The following MGMT variants were observed in gnomAD, a reference collection of about 807,000 sequenced individuals.
MGMT encodes O-6-methylguanine-DNA methyltransferase, also known as methylated-DNA--protein-cysteine methyltransferase.
In MGMT, 14 loss-of-function variants were observed where a neutral mutation model predicts 15.9. The observed-to-expected ratio is 0.88, with a 90% confidence interval of 0.58 to 1.37. The LOEUF is 1.37. MGMT is among the 40% of genes most tolerant of loss of function. MGMT has a pLI of 0.00. For synonymous variants in MGMT, 130 were observed against 118.2 expected, an observed-to-expected ratio of 1.10 and a Z score of -0.65; for missense variants, 282 against 268.1, an observed-to-expected ratio of 1.05 and a Z score of -0.36.
intron 2 of MGMT, among the ~76,000 whole-genome samples, chr10:129,687,845 C>CT: frequency 2.0e-5 from 3 of 152,006 alleles, no homozygotes; most frequent in Non-Finnish European, 4.4e-5. Flanking sequence ...TATCCCTCCC[C>CT]CAGCCCCCCA....
chr10:129,739,180 A>G (rs975841895), intron 3 of MGMT, among the ~76,000 whole-genome samples: 1 of 152,218 alleles, frequency 6.6e-6, no homozygotes, highest in Non-Finnish European at 1.5e-5. Flanking sequence ...ATTTATGACA[A>G]ACCCACAGCC....
chr10:129,713,027 T>G (rs924476407), intron 3 of MGMT, among the ~76,000 whole-genome samples: 2 of 152,152 alleles, frequency 1.3e-5, no homozygotes, highest in African/African-American at 2.4e-5. Context: ...GAGGGGATGT[T>G]TTTCTTGTAG....
chr10:129,682,183 CTG>C (rs1357666834), intron 2 of MGMT, among the ~76,000 whole-genome samples: 1 of 152,112 alleles, frequency 6.6e-6, no homozygotes, highest in African/African-American at 2.4e-5. Context: ...CACACAAAAA[CTG>C]TACACAAGTG....
At chr10:129,527,324 A>C (rs1845882070) in intron 1 of MGMT, among the ~76,000 whole-genome samples, 1 of 152,168 alleles carries the variant, frequency 6.6e-6, no homozygotes, top group African/African-American at 2.4e-5. Flanking sequence ...GATGGTTCGA[A>C]TTCTGGAAGT....
Position 129,759,373 on chromosome 10 carries a change from G to A in MGMT, c.414+32G>A, listed in dbSNP as rs373086303. 3 of 1,613,562 alleles carry A rather than the reference G, an allele frequency of 1.9e-6. No homozygotes were observed. The Admixed American group carries it at 5.0e-5, about 27-fold the overall frequency. On this transcript the variant is annotated intron_variant, in intron 4 of 4. Coordinates refer to ENST00000651593, the MANE Select transcript of MGMT (RefSeq NM_002412.5). Reference sequence around the variant, plus strand: ...TCTCATGGCGCAAGCATGGCTGTGGGTGGCGGGTGCGTGCAGGTGGCAGGG... The same window carrying A: ...TCTCATGGCGCAAGCATGGCTGTGGATGGCGGGTGCGTGCAGGTGGCAGGG...
chr10:129,540,353 A>T (rs1326695003), intron 2 of MGMT, among the ~76,000 whole-genome samples: 2 of 151,966 alleles, frequency 1.3e-5, no homozygotes, highest in Non-Finnish European at 2.9e-5. Flanking sequence ...TTCCTTTCTG[A>T]TTGTTATGCT....
chr10:129,702,619 G>A (rs1848112063), intron 2 of MGMT, among the ~76,000 whole-genome samples: 2 of 152,164 alleles, frequency 1.3e-5, no homozygotes, highest in Non-Finnish European at 2.9e-5. Flanking sequence ...GGGACAGGAA[G>A]GGGCTGAGGT....
In MGMT at chr10:129,472,014, G is replaced by A. The variant is rs548305176; in HGVS notation, c.-13+4718G>A. ...ATGCAGATGTTACCAAAACTTTGGC[G>A]TCAGTTTTACAAACACACGCGAAGC... On this transcript the variant is annotated intron_variant, in intron 1 of 4. Coordinates refer to ENST00000651593, the MANE Select transcript of MGMT (RefSeq NM_002412.5). Among the ~76,000 whole-genome samples the A allele has an allele frequency of 7.9e-5, 12 of 152,258 alleles. 1 individual carries two copies. In the South Asian group the frequency reaches 1.9e-3, roughly 24 times the overall value.
At chr10:129,652,923 G>A (rs1847478650) in intron 2 of MGMT, among the ~76,000 whole-genome samples, 1 of 152,232 alleles carries the variant, frequency 6.6e-6, no homozygotes, top group South Asian at 2.1e-4. Flanking sequence ...TTGGGACTGT[G>A]CTGGCAGCTC....
At chr10:129,641,873 T>C (rs1317480891) in intron 2 of MGMT, among the ~76,000 whole-genome samples, 2 of 152,218 alleles carry the variant, frequency 1.3e-5, no homozygotes, top group African/African-American at 4.8e-5. Flanking sequence ...TTGTATCTAA[T>C]GTAATGCTGA....
chr10:129,727,905 G>T (rs975626439), intron 3 of MGMT, among the ~76,000 whole-genome samples: 4 of 152,206 alleles, frequency 2.6e-5, no homozygotes, highest in African/African-American at 4.8e-5. Context: ...CATGGAGTAA[G>T]GGGAAACAAC....
chr10:129,472,055 C>G (rs970531224), intron 1 of MGMT, among the ~76,000 whole-genome samples: 1 of 152,222 alleles, frequency 6.6e-6, no homozygotes, highest in East Asian at 1.9e-4. Flanking sequence ...CAACCCGTAT[C>G]ATATTTCACC....
At position 129,629,955 on chromosome 10, in the gene MGMT, G is replaced by A. The variant is rs565841539; in HGVS notation, c.126-77940G>A. Among the ~76,000 whole-genome samples, 4 of 152,342 alleles carry A rather than the reference G, an allele frequency of 2.6e-5. No individual in the cohort carries two copies. In the South Asian group the frequency reaches 6.2e-4, roughly 24 times the overall value. The stretch of plus-strand genomic sequence containing the variant: ...GTGATTTGTTCTTTTCACAGAGAAG[G>A]TAAATAGCATGTCAGCCGCCAAGGC... On this transcript the variant is annotated intron_variant, in intron 2 of 4. Transcript: ENST00000651593.
Position 129,686,572 on chromosome 10 carries a change from C to CA in MGMT, c.126-21323_126-21322insA, listed in dbSNP as rs3039558. ...GTATTTTTGGTAGAAATGGGGTTTT[C>CA]TGCTGCTCTCAAACTCCTGACCTCA... On this transcript the variant is annotated intron_variant, in intron 2 of 4. Coordinates refer to ENST00000651593, the MANE Select transcript of MGMT (RefSeq NM_002412.5). Among the ~76,000 whole-genome samples the CA allele has an allele frequency of 4.1e-3, 626 of 151,732 alleles. 1 individual carries two copies. The highest frequency in any genetic ancestry group is 0.014 in the African/African-American group (584 of 41,346).
intron 2 of MGMT, among the ~76,000 whole-genome samples, chr10:129,698,157 G>A (rs2133133252): frequency 6.6e-6 from 1 of 152,316 alleles, no homozygotes; most frequent in Middle Eastern, 3.4e-3. Context: ...CATCTGAGGA[G>A]GAAACTGCAA....
intron 3 of MGMT, among the ~76,000 whole-genome samples, chr10:129,734,864 T>C (rs2133165807): frequency 6.6e-6 from 1 of 152,354 alleles, no homozygotes; most frequent in Admixed American, 6.5e-5. Flanking sequence ...GGATTACATT[T>C]ATTGATTTGC....
chr10:129,493,345 G>C (rs11016811), intron 1 of MGMT, among the ~76,000 whole-genome samples: 32,762 of 152,016 alleles, frequency 0.22, 4,141 homozygotes, highest in Non-Finnish European at 0.28. Flanking sequence ...CTTCTCTGCT[G>C]ATGCTGCCCA....
At chr10:129,655,513 G>C (rs1184799222) in intron 2 of MGMT, among the ~76,000 whole-genome samples, 1 of 152,150 alleles carries the variant, frequency 6.6e-6, no homozygotes, top group Non-Finnish European at 1.5e-5. Context: ...AGTTTTAAAC[G>C]TCCAGACCTT....
chr10:129,718,552 AC>A (rs904950026), intron 3 of MGMT, among the ~76,000 whole-genome samples: 9 of 151,974 alleles, frequency 5.9e-5, no homozygotes, highest in Middle Eastern at 3.4e-3. Flanking sequence ...TCAGTCACTT[AC>A]CCCCTCACCT....
Sources: allele counts gnomAD v4.1 joint callset (sites outside exome capture counted in the v4.1 genomes callset), GRCh38; gene constraint gnomAD v4.1.1; transcripts MANE v1.5; gene names NCBI Gene and HGNC (gene_info 2026-07-23, HGNC 2026-07-21).